Variants in FAM186A observed in about 807,000 individuals in gnomAD.
The protein encoded by FAM186A is protein FAM186A.
FAM186A carries 163 observed loss-of-function variants against 216.8 expected under a neutral mutation model. The observed-to-expected ratio is 0.75, with a 90% CI of 0.66 to 0.86. The LOEUF is 0.86. FAM186A is among the 40% of genes least tolerant of loss of function. The probability of loss-of-function intolerance (pLI) is 0.00; values close to 1 mark genes in which losing one functional copy is unlikely to be tolerated. For synonymous variants in FAM186A, 805 were observed against 1,025.3 expected (o/e 0.79, Z 4.10); for missense variants, 2,184 against 2,746.2 (o/e 0.80, Z 4.58).
intron 3 of FAM186A, among the ~76,000 whole-genome samples, chr12:50,360,243 C>A (rs1194667302): frequency 5.3e-5 from 7 of 132,074 alleles, no homozygotes; most frequent in African/African-American, 2.0e-4. Context: ...TACCCTGTCT[C>A]AAAAAAAAAA....
chr12:50,330,718 G>A lies in FAM186A; in HGVS notation c.6889C>T (p.Leu2297=). ...GCTATTGGGTAGCTTGAAGTGGACA[G>A]ATCAACATTCCAGATGGCCTCTGTC... ...DQTEAIWNVD[L]STSSYPIAEK... The change falls in exon 7 of 8, where the codon CTG becomes TTG. Residue 2297 remains leucine (L), a synonymous_variant. Coordinates refer to ENST00000327337, the MANE Select transcript of FAM186A (RefSeq NM_001145475.3). 6.5e-7 allele frequency: 1 copy of A among 1,532,240 alleles called. No homozygotes were observed. 94.9% of individuals were successfully genotyped at this position (1,532,240 alleles called of 1,614,324 possible). A position where few individuals can be genotyped will look rare whatever the true frequency, so the allele number is the denominator to read the frequency against.
chr12:50,355,490 G>A lies in FAM186A; in HGVS notation c.1342C>T (p.Gln448Ter). Residue 448 changes from glutamine to a stop codon, truncating the protein, a stop_gained, in exon 4 of 8, where the codon CAG becomes TAG. Coordinates refer to ENST00000327337, the MANE Select transcript of FAM186A (RefSeq NM_001145475.3). LOFTEE classifies it high-confidence loss of function. ...TGATACTCATCAGTCTCATCTTCCT[G>A]ATAGAAATCACCTTTCTTCAATGAT... is the stretch of plus-strand genomic sequence containing the variant. Reference protein sequence around the residue: ...NVSLKKGDFYQEDETDEYQSW... With the variant: ...NVSLKKGDFY 2 of 1,551,232 alleles carry A rather than the reference G, an allele frequency of 1.3e-6. No individual in the cohort carries two copies. Among genetic ancestry groups the A allele is most frequent in the East Asian group, 2.4e-5 (1 of 40,910 alleles).
rs191655917 is a variant in FAM186A at position 50,355,592 on chromosome 12, T to C, written c.1240A>G (p.Thr414Ala). 1.3e-6 allele frequency: 2 copies of C among 1,551,582 alleles called. No homozygotes were observed. Among genetic ancestry groups the C allele is most frequent in the Non-Finnish European group, 1.7e-6 (2 of 1,146,972 alleles). ...TGTCGTAGTTCAGTTAAATCTGGAG[T>C]TCTTTCAGCTTGGGCTGTATATGAA... is the stretch of plus-strand genomic sequence containing the variant. ...TISYTAQAER[T>A]PDLTELRQQP... Residue 414 changes from threonine (T) to alanine (A), a missense_variant, in exon 4 of 8, where the codon ACT becomes GCT. Thr to Ala is a moderately conservative substitution (Grantham distance 58). Coordinates refer to ENST00000327337, the MANE Select transcript of FAM186A (RefSeq NM_001145475.3).
Position 50,353,810 on chromosome 12 carries a change from T to C in FAM186A, c.3022A>G (p.Thr1008Ala), listed in dbSNP as rs1408186134. Reference protein sequence around the residue: ...LEKMVIQTPMTLSPRWKSVLK... With the variant: ...LEKMVIQTPMALSPRWKSVLK... ...ACACTCTTCCACCTGGGAGATAATGTCATTGGAGTTTGGATGACCATTTTT... is the reference window on the plus strand; with the variant it reads ...ACACTCTTCCACCTGGGAGATAATGCCATTGGAGTTTGGATGACCATTTTT... Residue 1008 changes from threonine to alanine, a missense_variant, in exon 4 of 8, where the codon ACA (threonine) becomes GCA (alanine). Thr to Ala is a moderately conservative substitution (Grantham distance 58, BLOSUM62 0). Around this residue, in one of 7 missense-constraint regions of FAM186A, gnomAD observed 1,132 missense variants for 1,263.4 expected, o/e 0.90. Coordinates refer to ENST00000327337, the MANE Select transcript of FAM186A (RefSeq NM_001145475.3). The C allele has an allele frequency of 3.9e-6, 6 of 1,551,540 alleles. No individual in the cohort carries two copies. Among genetic ancestry groups the C allele is most frequent in the Non-Finnish European group, 5.2e-6 (6 of 1,146,962 alleles).
At chr12:50,396,263 C>A (rs745628134) in intron 1 of FAM186A, 30 bp downstream of exon 1, 2 of 1,450,524 alleles carry the variant, frequency 1.4e-6, no homozygotes, top group Non-Finnish European at 1.8e-6. Context: ...AAGAAAATTG[C>A]AGTCTGTAAA....
At chr12:50,365,507 C>G (rs1038947171) in intron 1 of FAM186A, 11 of 295,704 alleles carry the variant, frequency 3.7e-5, no homozygotes, top group African/African-American at 1.5e-4. Context: ...AGTTAAGAAC[C>G]ACTGGTTCAC....
intron 1 of FAM186A, among the ~76,000 whole-genome samples, chr12:50,387,798 C>G (rs993401272): frequency 2.0e-5 from 3 of 152,210 alleles, no homozygotes; most frequent in African/African-American, 7.2e-5. Flanking sequence ...GCATTCACCC[C>G]TGCAAGCTCC....
chr12:50,333,609 T>G (rs938508007), intron 5 of FAM186A, among the ~76,000 whole-genome samples: 6 of 152,022 alleles, frequency 3.9e-5, no homozygotes, highest in Non-Finnish European at 8.8e-5. Flanking sequence ...GGCTACAAAC[T>G]GAGGAATGCT....
At chr12:50,363,992 T>C (rs1253604283) in intron 1 of FAM186A, among the ~76,000 whole-genome samples, 1 of 152,144 alleles carries the variant, frequency 6.6e-6, no homozygotes, top group African/African-American at 2.4e-5. Context: ...TCCTAGAAAT[T>C]TTTTACGGAT....
At chr12:50,373,506 G>C (rs1943169581) in intron 1 of FAM186A, among the ~76,000 whole-genome samples, 1 of 152,310 alleles carries the variant, frequency 6.6e-6, no homozygotes, top group East Asian at 1.9e-4. Context: ...GCGTTACCCT[G>C]ATATCAAAAT....
intron 4 of FAM186A, among the ~76,000 whole-genome samples, chr12:50,337,911 C>T (rs4768901): frequency 1.8e-4 from 16 of 88,464 alleles, no homozygotes; most frequent in South Asian, 4.9e-4. Context: ...AACAAACAAA[C>T]AAATAAACAA....
intron 1 of FAM186A, among the ~76,000 whole-genome samples, chr12:50,381,024 A>C (rs1392884933): frequency 6.6e-6 from 1 of 152,194 alleles, no homozygotes; most frequent in East Asian, 1.9e-4. Context: ...TGGACCAGGC[A>C]TACTGCAAGC....
chr12:50,366,621 A>G (rs2136099287), intron 1 of FAM186A, among the ~76,000 whole-genome samples: 1 of 108,508 alleles, frequency 9.2e-6, no homozygotes, highest in Admixed American at 1.1e-4. Context: ...AATGAATAGA[A>G]TGACCAAAAA....
At chr12:50,392,140 A>C (rs1943362388) in intron 1 of FAM186A, among the ~76,000 whole-genome samples, 1 of 82,844 alleles carries the variant, frequency 1.2e-5, no homozygotes, top group African/African-American at 4.9e-5. Context: ...TTAGCTGGGG[A>C]TTGGGGGTGG....
intron 1 of FAM186A, among the ~76,000 whole-genome samples, chr12:50,381,686 G>A (rs895505651): frequency 6.6e-6 from 1 of 152,166 alleles, no homozygotes. Flanking sequence ...ATAGAGCCAG[G>A]CAGGTTTACA....
At chr12:50,393,207 A>T (rs1943379864) in intron 1 of FAM186A, among the ~76,000 whole-genome samples, 1 of 151,840 alleles carries the variant, frequency 6.6e-6, no homozygotes, top group South Asian at 2.1e-4. Context: ...TACAGGTATG[A>T]GCCACCGCTC....
chr12:50,354,602 G>T lies in FAM186A; in HGVS notation c.2230C>A (p.Gln744Lys). 1 of 1,548,348 alleles carries T rather than the reference G, an allele frequency of 6.5e-7. No homozygotes were observed. The highest frequency in any genetic ancestry group is 8.7e-7 in the Non-Finnish European group (1 of 1,146,276). The change falls in exon 4 of 8, where the codon CAA (glutamine) becomes AAA (lysine). Residue 744 changes from glutamine to lysine, a missense_variant. This residue lies in a region of FAM186A where 1,132 missense variants were observed against 1,263.4 expected (regional missense o/e 0.90). Transcript: ENST00000327337. ...TGTTTTATAGGTTTCTCTCCAACTTGTTCTTCCTTTTTTGTATCTTTGTAT... is the reference window on the plus strand; with the variant it reads ...TGTTTTATAGGTTTCTCTCCAACTTTTTCTTCCTTTTTTGTATCTTTGTAT... ...RKYKDTKKEE[Q>K]VGEKPIKQKK...
At chr12:50,327,779 A>G (rs968408656) in intron 7 of FAM186A, among the ~76,000 whole-genome samples, 1 of 152,028 alleles carries the variant, frequency 6.6e-6, no homozygotes, top group Admixed American at 6.6e-5. Context: ...TCTTGAGCTC[A>G]AGCAATCTAC....
intron 1 of FAM186A, among the ~76,000 whole-genome samples, chr12:50,380,161 G>A (rs1943240749): frequency 6.6e-6 from 1 of 152,176 alleles, no homozygotes; most frequent in Admixed American, 6.6e-5. Context: ...GAAATTAAGT[G>A]TATACAAATG....
Sources: gnomAD v4.1 joint callset for allele counts (sites outside exome capture counted in the v4.1 genomes callset) on GRCh38, gnomAD v4.1.1 for gene constraint, gnomAD v4.1.1 regional missense constraint, MANE v1.5 for transcripts, NCBI Gene and HGNC (gene_info 2026-07-23, HGNC 2026-07-21) for gene names.